GRIK2: variants seen among roughly 807,000 people sequenced by gnomAD.
The protein encoded by GRIK2 is glutamate ionotropic receptor kainate type subunit 2.
A neutral mutation model predicts 100.3 loss-of-function variants in GRIK2; 32 were observed. That is an observed-to-expected ratio of 0.32 (90% confidence interval 0.24 to 0.43). GRIK2 has a LOEUF of 0.43. Ranked by LOEUF, GRIK2 falls within the 20% of genes least tolerant of loss-of-function variation. GRIK2 has a pLI of 1.00. For synonymous variants in GRIK2, 417 were observed against 389.4 expected, an observed-to-expected ratio of 1.07 and a Z score of -0.83; for missense variants, 843 against 1,114.9, an observed-to-expected ratio of 0.76 and a Z score of 3.47.
At chr6:101,976,537 A>C (rs1391305973) in intron 14 of GRIK2, among the ~76,000 whole-genome samples, 1 of 151,952 alleles carries the variant, frequency 6.6e-6, no homozygotes, top group Non-Finnish European at 1.5e-5. Flanking sequence ...CTCTATAAAA[A>C]TATTAGCCAG....
chr6:101,592,461 T>TG (rs66871108), intron 2 of GRIK2, among the ~76,000 whole-genome samples: 15,561 of 150,980 alleles, frequency 0.1, 1,034 homozygotes, highest in African/African-American at 0.19. Flanking sequence ...AGGTATGCTT[T>TG]GGTAAAAAAC....
intron 10 of GRIK2, among the ~76,000 whole-genome samples, chr6:101,851,445 A>T (rs1582380360): frequency 6.6e-6 from 1 of 152,210 alleles, no homozygotes; most frequent in East Asian, 1.9e-4. Context: ...GTGAAAAATA[A>T]ATAAAAAGTA....
At chr6:102,054,268 G>C (rs545888809) in intron 15 of GRIK2, among the ~76,000 whole-genome samples, 1 of 152,266 alleles carries the variant, frequency 6.6e-6, no homozygotes, top group East Asian at 1.9e-4. Flanking sequence ...CTCACTAAAA[G>C]AGATGTATAG....
intron 2 of GRIK2, among the ~76,000 whole-genome samples, chr6:101,442,511 A>T (rs1283869132): frequency 2.9e-4 from 44 of 152,138 alleles, no homozygotes; most frequent in Non-Finnish European, 2.9e-5. Context: ...CTTGCCTGAC[A>T]TGCTGCCAGA....
intron 14 of GRIK2, among the ~76,000 whole-genome samples, chr6:102,028,248 G>A (rs1383355669): frequency 2.0e-5 from 3 of 150,866 alleles, no homozygotes; most frequent in Non-Finnish European, 4.5e-5. Context: ...TTTAAAAGGG[G>A]GTGTATTTCT....
intron 2 of GRIK2, among the ~76,000 whole-genome samples, chr6:101,411,705 A>G (rs1266675171): frequency 6.6e-6 from 1 of 152,104 alleles, no homozygotes; most frequent in Non-Finnish European, 1.5e-5. Context: ...TAGATATTTT[A>G]TAATTCTTCA....
chr6:101,877,289 G>A (rs1214823791), intron 11 of GRIK2, among the ~76,000 whole-genome samples: 6 of 151,884 alleles, frequency 4.0e-5, no homozygotes, highest in Non-Finnish European at 5.9e-5. Context: ...ACTAGGGATC[G>A]AAAATACCAG....
At chr6:101,967,205 G>A (rs1792737958) in intron 14 of GRIK2, among the ~76,000 whole-genome samples, 1 of 151,656 alleles carries the variant, frequency 6.6e-6, no homozygotes, top group African/African-American at 2.4e-5. Context: ...TTTTCATGAG[G>A]AACCAAACCT....
chr6:101,964,862 G>C (rs1792558517), intron 14 of GRIK2, among the ~76,000 whole-genome samples: 1 of 152,174 alleles, frequency 6.6e-6, no homozygotes. Context: ...ATGCAAGGCA[G>C]AAATGTAGAG....
chr6:101,850,805 A>T (rs1784087892), intron 10 of GRIK2, among the ~76,000 whole-genome samples: 2 of 152,062 alleles, frequency 1.3e-5, no homozygotes, highest in Admixed American at 1.3e-4. Flanking sequence ...GAGATTTAAG[A>T]CTATATGAGA....
chr6:101,761,362 T>TC (rs976614297), intron 7 of GRIK2, among the ~76,000 whole-genome samples: 1 of 152,130 alleles, frequency 6.6e-6, no homozygotes. Context: ...TCTTTTTTTT[T>TC]CCCCATGCAG....
At chr6:101,418,927 T>TA (rs1318820089) in intron 2 of GRIK2, among the ~76,000 whole-genome samples, 1 of 152,192 alleles carries the variant, frequency 6.6e-6, no homozygotes, top group Admixed American at 6.5e-5. Flanking sequence ...TGGAAAATCT[T>TA]TATCAGAATT....
intron 13 of GRIK2, among the ~76,000 whole-genome samples, chr6:101,927,126 C>T (rs1789954273): frequency 6.6e-6 from 1 of 151,990 alleles, no homozygotes; most frequent in Non-Finnish European, 1.5e-5. Context: ...AGTTGGCTGT[C>T]ATGTCCAAGT....
At chr6:101,657,907 T>C (rs532572119) in intron 4 of GRIK2, among the ~76,000 whole-genome samples, 3 of 152,188 alleles carry the variant, frequency 2.0e-5, no homozygotes, top group Admixed American at 6.5e-5. Flanking sequence ...GAGAGAATTA[T>C]CCCTGTTCTT....
intron 14 of GRIK2, among the ~76,000 whole-genome samples, chr6:101,998,986 G>A (rs1363701721): frequency 6.6e-6 from 1 of 151,294 alleles, no homozygotes; most frequent in East Asian, 2.0e-4. Context: ...GCTAACTTTG[G>A]TGTTTTTAGT....
At chr6:102,020,941 C>A (rs1475172744) in intron 14 of GRIK2, among the ~76,000 whole-genome samples, 1 of 151,614 alleles carries the variant, frequency 6.6e-6, no homozygotes, top group African/African-American at 2.4e-5. Flanking sequence ...AAAAATGGAA[C>A]AGCAATTTAT....
chr6:102,018,270 C>G (rs1428335459), intron 14 of GRIK2, among the ~76,000 whole-genome samples: 1 of 152,064 alleles, frequency 6.6e-6, no homozygotes, highest in East Asian at 1.9e-4. Flanking sequence ...TCAGGTGAGG[C>G]AGAATGACTG....
At position 101,588,777 on chromosome 6, in the gene GRIK2, G is replaced by A. The variant is rs115422163; in HGVS notation, c.116-33172G>A. ...CTAAACATGGCACATACATACATAT[G>A]TAACAAACCTGCACATTATGCACAT... On this transcript the variant is annotated intron_variant, in intron 2 of 16. Coordinates refer to ENST00000369134, the MANE Select transcript of GRIK2 (RefSeq NM_021956.5). 6.0e-3 allele frequency among the ~76,000 whole-genome samples: 919 copies of A among 152,100 alleles called. 7 individuals are homozygous for A. Among genetic ancestry groups the A allele is most frequent in the African/African-American group, 0.021 (882 of 41,524 alleles).
intron 14 of GRIK2, among the ~76,000 whole-genome samples, chr6:101,970,701 T>C (rs1203534350): frequency 1.3e-5 from 2 of 151,058 alleles, no homozygotes; most frequent in African/African-American, 2.5e-5. Context: ...TTTACAGATG[T>C]GAACATCTGT....
Sources: allele counts gnomAD v4.1 joint callset (sites outside exome capture counted in the v4.1 genomes callset), GRCh38; gene constraint gnomAD v4.1.1; transcripts MANE v1.5; gene names NCBI Gene and HGNC (gene_info 2026-07-23, HGNC 2026-07-21).